The following VPS13B variants were observed in gnomAD, a reference collection of about 807,000 sequenced individuals.
The protein encoded by VPS13B is intermembrane lipid transfer protein VPS13B.
In VPS13B, 285 loss-of-function variants were observed where a neutral mutation model predicts 426.4. The ratio of observed to expected loss-of-function variants is 0.67; its 90% CI spans 0.61 to 0.74. The LOEUF is 0.74. Among genes scored for constraint, VPS13B ranks in the 30% least tolerant of loss-of-function variants. The pLI, the probability that VPS13B is intolerant of heterozygous loss-of-function variation, is 0.00. For missense variants in VPS13B, 4,537 were observed against 4,782.6 expected (o/e 0.95, Z 1.51); for synonymous variants, 1,676 against 1,676.4 (o/e 1.00, Z 0.01).
chr8:99,125,808 A>G (rs1848165880), intron 8 of VPS13B, among the ~76,000 whole-genome samples: 1 of 150,322 alleles, frequency 6.7e-6, no homozygotes, highest in African/African-American at 2.5e-5. Context: ...AAAAGGACAG[A>G]TAAAAATGCA....
intron 59 of VPS13B, among the ~76,000 whole-genome samples, chr8:99,870,109 G>T (rs2130969614): frequency 6.6e-6 from 1 of 152,260 alleles, no homozygotes; most frequent in East Asian, 1.9e-4. Context: ...ATATCTGTGT[G>T]TTTTTTATTT....
chr8:99,393,024 A>G (rs1814525912), intron 21 of VPS13B, among the ~76,000 whole-genome samples: 1 of 152,120 alleles, frequency 6.6e-6, no homozygotes, highest in Admixed American at 6.5e-5. Flanking sequence ...GTTAATTTAC[A>G]TAAAGGTTTA....
intron 43 of VPS13B, among the ~76,000 whole-genome samples, chr8:99,795,427 G>C (rs1812757213): frequency 6.6e-6 from 1 of 152,094 alleles, no homozygotes; most frequent in Non-Finnish European, 1.5e-5. Context: ...AGTTCTTCCA[G>C]TTTTTACTCA....
In VPS13B at chr8:99,524,622, G is replaced by A. The variant is rs1050837209; in HGVS notation, c.4745+3612G>A. Among the ~76,000 whole-genome samples the A allele has an allele frequency of 5.9e-5, 9 of 152,210 alleles. 1 individual carries two copies. Among genetic ancestry groups the A allele is most frequent in the East Asian group, 3.9e-4 (2 of 5,172 alleles). The stretch of plus-strand genomic sequence containing the variant: ...AGCATAGGCAACATGATGAGACTTC[G>A]TCTCTATAAAAAAACTTAAAACTTA... On this transcript the variant is annotated intron_variant, in intron 30 of 61. Transcript: ENST00000357162.
chr8:99,161,491 T>C (rs573993367), intron 15 of VPS13B, among the ~76,000 whole-genome samples: 2 of 152,344 alleles, frequency 1.3e-5, no homozygotes, highest in East Asian at 3.9e-4. Context: ...CTTGTCAATA[T>C]GTTAAAACTC....
At chr8:99,682,204 A>G (rs1831182887) in intron 35 of VPS13B, among the ~76,000 whole-genome samples, 3 of 152,236 alleles carry the variant, frequency 2.0e-5, no homozygotes, top group Admixed American at 2.0e-4. Flanking sequence ...GGTGGCTCAC[A>G]CTTTAATCCC....
chr8:99,389,530 A>G (rs1260873116), intron 20 of VPS13B: 1 of 152,192 alleles, frequency 6.6e-6, no homozygotes, highest in Non-Finnish European at 1.5e-5. Flanking sequence ...TATATGTGCT[A>G]TATATGTTAT....
intron 51 of VPS13B, among the ~76,000 whole-genome samples, chr8:99,825,719 T>G (rs1256627427): frequency 6.6e-6 from 1 of 152,240 alleles, no homozygotes; most frequent in Non-Finnish European, 1.5e-5. Context: ...AGTTTAAATC[T>G]TTAATCCATC....
At chr8:99,204,656 T>C (rs910391401) in intron 17 of VPS13B, among the ~76,000 whole-genome samples, 3 of 151,930 alleles carry the variant, frequency 2.0e-5, no homozygotes. Context: ...CTTAAACACA[T>C]TTACAAGAAA....
chr8:99,388,861 T>C (rs570636135), intron 20 of VPS13B, among the ~76,000 whole-genome samples: 2 of 152,300 alleles, frequency 1.3e-5, no homozygotes, highest in East Asian at 3.9e-4. Flanking sequence ...GAAAATACAC[T>C]CAGAGTTGAC....
chr8:99,767,406 G>C (rs1214068358), intron 40 of VPS13B, among the ~76,000 whole-genome samples: 1 of 142,010 alleles, frequency 7.0e-6, no homozygotes, highest in East Asian at 2.2e-4. Context: ...CCTTCTAAAA[G>C]GTAAATTTTA....
chr8:99,717,314 C>G lies in VPS13B; in HGVS notation c.6598C>G (p.Pro2200Ala), dbSNP rs775639348. ...TAAGTGGTGTAAACACAGCGGGAAT[C>G]CAGGCCCAGAACAATCCATACCAAA... ...EAKWCKHSGN[P>A]GPEQSIPKIS... Residue 2200 changes from proline to alanine, a missense_variant, in exon 37 of 62, where the codon CCA becomes GCA. Physicochemically the swap from Pro to Ala is conservative, Grantham distance 27. This residue lies in a region of VPS13B where 4,311 missense variants were observed against 4,474.3 expected (regional missense o/e 0.96). Coordinates refer to ENST00000357162, the MANE Select transcript of VPS13B (RefSeq NM_152564.5). 1.2e-6 allele frequency: 2 copies of G among 1,614,038 alleles called. No homozygotes were observed. Among genetic ancestry groups the G allele is most frequent in the South Asian group, 1.1e-5 (1 of 91,068 alleles).
intron 39 of VPS13B, among the ~76,000 whole-genome samples, chr8:99,752,947 G>C (rs886255360): frequency 6.6e-6 from 1 of 152,130 alleles, no homozygotes; most frequent in African/African-American, 2.4e-5. Flanking sequence ...ACTGAAATAC[G>C]GGAGTCAGTA....
intron 25 of VPS13B, among the ~76,000 whole-genome samples, chr8:99,491,399 T>C (rs1022739700): frequency 6.6e-6 from 1 of 152,224 alleles, no homozygotes. Context: ...TGGATTTGAA[T>C]GTTGGCCTGC....
intron 17 of VPS13B, among the ~76,000 whole-genome samples, chr8:99,206,215 A>T (rs1308551966): frequency 6.6e-6 from 1 of 152,150 alleles, no homozygotes; most frequent in African/African-American, 2.4e-5. Context: ...GTGTAGTTTC[A>T]TTAATCTGGT....
intron 33 of VPS13B, among the ~76,000 whole-genome samples, chr8:99,621,772 T>A (rs1004548771): frequency 1.3e-4 from 20 of 151,918 alleles, no homozygotes; most frequent in Non-Finnish European, 2.1e-4. Context: ...CAAAAGACTC[T>A]TATCTACATT....
chr8:99,798,565 C>G (rs913770693), intron 43 of VPS13B, among the ~76,000 whole-genome samples: 2 of 152,196 alleles, frequency 1.3e-5, no homozygotes, highest in Admixed American at 1.3e-4. Flanking sequence ...GGTCCTTTAT[C>G]CAGTCCCAGG....
chr8:99,601,150 G>A (rs752348710), intron 33 of VPS13B, among the ~76,000 whole-genome samples: 2 of 151,544 alleles, frequency 1.3e-5, no homozygotes, highest in Non-Finnish European at 2.9e-5. Flanking sequence ...ACCTCCCCTA[G>A]CCCCTGACCC....
chr8:99,084,901 G>T (rs960354539), intron 3 of VPS13B, among the ~76,000 whole-genome samples: 2 of 152,160 alleles, frequency 1.3e-5, no homozygotes, highest in Non-Finnish European at 2.9e-5. Flanking sequence ...GAATAAGTGC[G>T]GCGTGGTGCT....
Sources: gnomAD v4.1 joint callset for allele counts (sites outside exome capture counted in the v4.1 genomes callset) on GRCh38, gnomAD v4.1.1 for gene constraint, gnomAD v4.1.1 regional missense constraint, MANE v1.5 for transcripts, NCBI Gene and HGNC (gene_info 2026-07-23, HGNC 2026-07-21) for gene names.